PAPPA2: variants seen among roughly 807,000 people sequenced by gnomAD.
The protein encoded by PAPPA2 is pappalysin 2.
PAPPA2 carries 86 observed loss-of-function variants against 176.4 expected under a neutral mutation model. That is an observed-to-expected ratio of 0.49 (90% CI 0.41 to 0.58). The LOEUF is 0.58. Ranked by LOEUF, PAPPA2 falls within the 20% of genes least tolerant of loss-of-function variation. The pLI is 0.00. For synonymous variants in PAPPA2, 809 were observed against 852.2 expected (o/e 0.95, Z 0.88); for missense variants, 2,073 against 2,256.9 (o/e 0.92, Z 1.65).
At chr1:176,623,787 C>CTT (rs1190737724) in intron 3 of PAPPA2, among the ~76,000 whole-genome samples, 3 of 106,796 alleles carry the variant, frequency 2.8e-5, no homozygotes, top group Non-Finnish European at 5.8e-5. Context: ...TTCTTTCTTT[C>CTT]TTTCTTTCTT....
chr1:176,831,339 G>T (rs1366948004), intron 21 of PAPPA2, among the ~76,000 whole-genome samples: 4 of 152,180 alleles, frequency 2.6e-5, no homozygotes, highest in Non-Finnish European at 5.9e-5. Flanking sequence ...AATGGCTCAG[G>T]CTGCAGCTCT....
At chr1:176,690,889 A>G in intron 5 of PAPPA2, 1 of 984,092 alleles carries the variant, frequency 1.0e-6, no homozygotes, top group Non-Finnish European at 1.2e-6. Context: ...ATTTAGGCTC[A>G]GCATGTTTTA....
intron 12 of PAPPA2, among the ~76,000 whole-genome samples, chr1:176,725,218 A>G (rs1355528077): frequency 6.6e-6 from 1 of 152,222 alleles, no homozygotes; most frequent in African/African-American, 2.4e-5. Flanking sequence ...TTCATGTTTA[A>G]AGTTTTTTTA....
intron 17 of PAPPA2, among the ~76,000 whole-genome samples, chr1:176,771,393 G>A (rs1015828389): frequency 1.3e-5 from 2 of 152,142 alleles, no homozygotes; most frequent in Admixed American, 6.5e-5. Context: ...CCTAATGATC[G>A]CTTTTCTTGA....
At chr1:176,717,735 A>T (rs908213641) in intron 12 of PAPPA2, among the ~76,000 whole-genome samples, 9 of 152,224 alleles carry the variant, frequency 5.9e-5, no homozygotes, top group African/African-American at 2.2e-4. Flanking sequence ...ATCTATTGAG[A>T]TGATATTTTT....
intron 3 of PAPPA2, among the ~76,000 whole-genome samples, chr1:176,613,877 A>C (rs1331137757): frequency 1.3e-5 from 2 of 152,142 alleles, no homozygotes; most frequent in Admixed American, 1.3e-4. Context: ...AGTGTTGTCC[A>C]CGGTGGGGCC....
chr1:176,627,554 C>T (rs11809942), intron 3 of PAPPA2, among the ~76,000 whole-genome samples: 1,823 of 152,218 alleles, frequency 0.012, 29 homozygotes, highest in African/African-American at 0.041. Context: ...TTTATTTTAA[C>T]GCTATTCTTT....
intron 12 of PAPPA2, among the ~76,000 whole-genome samples, chr1:176,723,747 T>C (rs1420858822): frequency 1.3e-5 from 2 of 152,178 alleles, no homozygotes; most frequent in East Asian, 3.8e-4. Context: ...TCTTAGTTTT[T>C]CTTTTCTTCT....
intron 3 of PAPPA2, among the ~76,000 whole-genome samples, chr1:176,627,221 T>G (rs1656080369): frequency 6.6e-6 from 1 of 152,222 alleles, no homozygotes; most frequent in Non-Finnish European, 1.5e-5. Flanking sequence ...AACATTCATA[T>G]GTGTCCACTG....
At chr1:176,692,374 T>C in intron 6 of PAPPA2, 56 bp downstream of exon 6, 1 of 1,479,418 alleles carries the variant, frequency 6.8e-7, no homozygotes, top group South Asian at 1.2e-5. Flanking sequence ...GCATTTCATA[T>C]GAATGAGGGG....
chr1:176,648,397 C>T (rs1040237048), intron 3 of PAPPA2, among the ~76,000 whole-genome samples: 4 of 151,318 alleles, frequency 2.6e-5, no homozygotes, highest in African/African-American at 4.8e-5. Flanking sequence ...TAATTTGAGT[C>T]CTCTCTTTCT....
intron 3 of PAPPA2, among the ~76,000 whole-genome samples, chr1:176,651,920 T>A (rs1388318346): frequency 6.6e-6 from 1 of 151,684 alleles, no homozygotes; most frequent in Non-Finnish European, 1.5e-5. Flanking sequence ...TTCATTCTGC[T>A]GTTGAAAACC....
At chr1:176,590,637 G>C (rs1653601019) in intron 2 of PAPPA2, among the ~76,000 whole-genome samples, 1 of 152,164 alleles carries the variant, frequency 6.6e-6, no homozygotes, top group South Asian at 2.1e-4. Flanking sequence ...TTAAGTCTCA[G>C]CTTGTGGTTG....
chr1:176,668,669 A>T, intron 3 of PAPPA2, among the ~76,000 whole-genome samples: 1 of 151,658 alleles, frequency 6.6e-6, no homozygotes, highest in South Asian at 2.1e-4. Context: ...CTATGTGTTT[A>T]CTCTCGTTGG....
intron 21 of PAPPA2, among the ~76,000 whole-genome samples, chr1:176,826,362 G>A (rs1666863848): frequency 6.6e-6 from 1 of 152,176 alleles, no homozygotes; most frequent in Non-Finnish European, 1.5e-5. Flanking sequence ...AAGAAAATGA[G>A]AGCAGAGAAC....
At chr1:176,680,592 A>G (rs1012340142) in intron 4 of PAPPA2, among the ~76,000 whole-genome samples, 30 of 152,212 alleles carry the variant, frequency 2.0e-4, no homozygotes, top group African/African-American at 2.4e-5. Context: ...CAATAGTACA[A>G]TCTCACAAAC....
intron 19 of PAPPA2, among the ~76,000 whole-genome samples, chr1:176,793,260 C>G (rs888431373): frequency 6.6e-6 from 1 of 152,102 alleles, no homozygotes; most frequent in Non-Finnish European, 1.5e-5. Flanking sequence ...GTTAATCTTT[C>G]AATTACTACA....
intron 21 of PAPPA2, among the ~76,000 whole-genome samples, chr1:176,821,143 A>G (rs1047986890): frequency 2.0e-5 from 3 of 152,196 alleles, no homozygotes; most frequent in Admixed American, 1.3e-4. Context: ...TTCAGTGAAA[A>G]TTATATTTTC....
In PAPPA2 at chr1:176,669,675, C is replaced by G. The variant is rs781333015; in HGVS notation, c.1992-1295C>G. ...CCTTTTCTCCTAAACATCTTTGTTT[C>G]TAAAGCAAGATCTTTTTTTGTCTTT... On this transcript the variant is annotated intron_variant, in intron 3 of 22. Coordinates refer to ENST00000367662, the MANE Select transcript of PAPPA2 (RefSeq NM_020318.3). 5.3e-4 allele frequency among the ~76,000 whole-genome samples: 80 copies of G among 152,266 alleles called. 1 individual carries two copies. The highest frequency in any genetic ancestry group is 3.4e-3 in the Middle Eastern group (1 of 294).
Sources: allele counts gnomAD v4.1 joint callset (sites outside exome capture counted in the v4.1 genomes callset), GRCh38; gene constraint gnomAD v4.1.1; transcripts MANE v1.5; gene names NCBI Gene and HGNC (gene_info 2026-07-23, HGNC 2026-07-21).